AGBL1: variants seen among roughly 807,000 people sequenced by gnomAD.
AGBL1 encodes the protein AGBL carboxypeptidase 1.
Under a neutral mutation model 118.9 loss-of-function variants are expected in AGBL1, and 130 were observed. That is an observed-to-expected ratio of 1.09 (90% CI 0.95 to 1.26). The LOEUF (loss-of-function observed/expected upper bound fraction) is 1.26. Among genes scored for constraint, AGBL1 ranks in the 50% most tolerant of loss-of-function variants. The pLI is 0.00. For missense variants in AGBL1, 1,584 were observed against 1,298.1 expected (o/e 1.22, Z -3.38); for synonymous variants, 555 against 478.9 (o/e 1.16, Z -2.08).
intron 23 of AGBL1, among the ~76,000 whole-genome samples, chr15:86,947,150 G>A (rs2080834770): frequency 6.6e-6 from 1 of 152,132 alleles, no homozygotes; most frequent in South Asian, 2.1e-4. Context: ...GGAATTCTTT[G>A]CTGATCTTAA....
At chr15:86,863,454 C>T (rs904979348) in intron 22 of AGBL1, among the ~76,000 whole-genome samples, 3 of 151,818 alleles carry the variant, frequency 2.0e-5, no homozygotes, top group African/African-American at 7.3e-5. Context: ...ATGTCTCATC[C>T]ACAGCATGGC....
intron 9 of AGBL1, among the ~76,000 whole-genome samples, chr15:86,260,072 A>G (rs1219852401): frequency 6.6e-6 from 1 of 152,284 alleles, no homozygotes; most frequent in African/African-American, 2.4e-5. Flanking sequence ...CAAGGCAAGA[A>G]GATGAGAAGT....
At chr15:86,859,101 C>A (rs367822505) in intron 22 of AGBL1, among the ~76,000 whole-genome samples, 12 of 152,176 alleles carry the variant, frequency 7.9e-5, no homozygotes, top group Non-Finnish European at 1.2e-4. Flanking sequence ...TGAAAGCATG[C>A]TCCAAGGCAT....
chr15:86,635,291 CT>C (rs1386971595), intron 21 of AGBL1, among the ~76,000 whole-genome samples: 3 of 52,994 alleles, frequency 5.7e-5, no homozygotes, highest in Non-Finnish European at 1.1e-4. Flanking sequence ...TCCCCTCCCC[CT>C]CCCCCTCCCC....
rs1286374351 is a variant in AGBL1 at position 86,810,371 on chromosome 15, C to G, written c.3159-96716C>G. On this transcript the variant is annotated intron_variant, in intron 22 of 22. Coordinates refer to ENST00000614907, the MANE Select transcript of AGBL1 (RefSeq NM_001386094.1). Reference sequence around the variant, plus strand: ...ACACCCAGTCTATAGGGAGAATGACCCTTTCACCTTCTAGGTCCAAAGACA... The same window carrying G: ...ACACCCAGTCTATAGGGAGAATGACGCTTTCACCTTCTAGGTCCAAAGACA... Among the ~76,000 whole-genome samples, 5 of 152,048 alleles carry G rather than the reference C, an allele frequency of 3.3e-5. No individual in the cohort carries two copies. The South Asian group carries it at 6.2e-4, about 19-fold the overall frequency.
At chr15:86,925,176 AGAG>A (rs1461168638) in intron 23 of AGBL1, among the ~76,000 whole-genome samples, 268 of 9,968 alleles carry the variant, frequency 0.027, 6 homozygotes, top group African/African-American at 0.056. Flanking sequence ...AGGAAGAGGA[AGAG>A]GAAGAGGAAG....
rs375420906 is a variant in AGBL1 at position 86,921,207 on chromosome 15, A to G, written c.3222-66780A>G. ...TTCTCATCTGTGATTGGTTAAGCAG[A>G]CGAAGCTTTGTTTAATGATTTGGGG... On this transcript the variant is annotated intron_variant, in intron 23 of 24. Transcript: ENST00000441037. Among the ~76,000 whole-genome samples, 25 of 152,314 alleles carry G rather than the reference A, an allele frequency of 1.6e-4. No homozygotes were observed. In the East Asian group the frequency reaches 4.4e-3, roughly 27 times the overall value.
chr15:86,084,992 A>C (rs1036112317), intron 1 of AGBL1, among the ~76,000 whole-genome samples: 1 of 152,236 alleles, frequency 6.6e-6, no homozygotes, highest in East Asian at 1.9e-4. Flanking sequence ...AAAATTTATA[A>C]GAAGTGGTAA....
intron 22 of AGBL1, among the ~76,000 whole-genome samples, chr15:86,863,375 G>A (rs981969667): frequency 1.3e-5 from 2 of 152,144 alleles, no homozygotes; most frequent in African/African-American, 4.8e-5. Flanking sequence ...AGAGCTTTCA[G>A]CATTCACACC....
At chr15:86,175,114 T>G (rs2077465215) in intron 5 of AGBL1, among the ~76,000 whole-genome samples, 1 of 152,092 alleles carries the variant, frequency 6.6e-6, no homozygotes, top group Admixed American at 6.5e-5. Context: ...GTAGAATTCA[T>G]CAGTAAAGTC....
intron 21 of AGBL1, among the ~76,000 whole-genome samples, chr15:86,621,261 T>C (rs2142411027): frequency 6.6e-6 from 1 of 152,358 alleles, no homozygotes; most frequent in Admixed American, 6.5e-5. Context: ...GATAGTGAAA[T>C]GAGTACAGGC....
intron 22 of AGBL1, among the ~76,000 whole-genome samples, chr15:86,810,357 A>G (rs145446843): frequency 0.012 from 1,800 of 152,222 alleles, 25 homozygotes; most frequent in Middle Eastern, 0.061. Flanking sequence ...CACCCAGTCT[A>G]TAGGGAGAAT....
chr15:86,141,077 G>A (rs138107338), intron 1 of AGBL1, among the ~76,000 whole-genome samples: 49 of 152,272 alleles, frequency 3.2e-4, no homozygotes, highest in Middle Eastern at 6.8e-3. Context: ...AAAGAGCGCT[G>A]GCCTGATTTT....
At chr15:86,210,313 G>T (rs898588405) in intron 5 of AGBL1, among the ~76,000 whole-genome samples, 6 of 152,076 alleles carry the variant, frequency 3.9e-5, no homozygotes, top group Admixed American at 6.6e-5. Context: ...TCTTCTCGAG[G>T]AGTATCTTTG....
chr15:86,698,220 A>G (rs1335772510), intron 22 of AGBL1, among the ~76,000 whole-genome samples: 2 of 152,044 alleles, frequency 1.3e-5, no homozygotes, highest in Non-Finnish European at 2.9e-5. Flanking sequence ...AGTAGTCTTT[A>G]GGGTTGGTCT....
chr15:86,092,395 T>C (rs1024867040), intron 1 of AGBL1, among the ~76,000 whole-genome samples: 1 of 152,196 alleles, frequency 6.6e-6, no homozygotes, highest in Non-Finnish European at 1.5e-5. Flanking sequence ...TAACCTTCCA[T>C]GAACCTCTGC....
chr15:86,799,088 A>C (rs2078613479), intron 22 of AGBL1, among the ~76,000 whole-genome samples: 2 of 151,942 alleles, frequency 1.3e-5, no homozygotes. Flanking sequence ...TCCAGATTCA[A>C]AGTCCTATCT....
intron 23 of AGBL1, among the ~76,000 whole-genome samples, chr15:86,979,911 A>G (rs1159818039): frequency 6.6e-6 from 1 of 152,152 alleles, no homozygotes; most frequent in Admixed American, 6.5e-5. Flanking sequence ...AACAACAGAG[A>G]GAAATCTACC....
intron 21 of AGBL1, among the ~76,000 whole-genome samples, chr15:86,620,944 C>T (rs577608510): frequency 6.6e-6 from 1 of 152,172 alleles, no homozygotes; most frequent in African/African-American, 2.4e-5. Flanking sequence ...TGCTCTTTCC[C>T]TCCAGTTAAA....
Sources: allele counts gnomAD v4.1 joint callset (sites outside exome capture counted in the v4.1 genomes callset), GRCh38; gene constraint gnomAD v4.1.1; transcripts MANE v1.5; gene names NCBI Gene and HGNC (gene_info 2026-07-23, HGNC 2026-07-21).